THSD7B: variants seen among roughly 807,000 people sequenced by gnomAD.
THSD7B encodes the protein thrombospondin type 1 domain containing 7B.
Under a neutral mutation model 213.6 loss-of-function variants are expected in THSD7B, and 138 were observed. The ratio of observed to expected loss-of-function variants is 0.65; its 90% confidence interval spans 0.56 to 0.74. THSD7B has a LOEUF of 0.74. THSD7B is among the 30% of genes least tolerant of loss of function. The pLI is 0.00. For missense variants in THSD7B, 1,931 were observed against 1,991.5 expected (o/e 0.97, Z 0.58); for synonymous variants, 742 against 687.0 (o/e 1.08, Z -1.25).
intron 2 of THSD7B, among the ~76,000 whole-genome samples, chr2:137,023,153 G>A (rs1686477192): frequency 6.6e-6 from 1 of 152,184 alleles, no homozygotes; most frequent in Non-Finnish European, 1.5e-5. Context: ...TGAGAAGCTG[G>A]GCAGAGGGTG....
At chr2:136,991,058 A>G in intron 2 of THSD7B, 1 of 792,552 alleles carries the variant, frequency 1.3e-6, no homozygotes, top group Non-Finnish European at 1.8e-6. Context: ...TGTTAAATAA[A>G]AAGGACCTGG....
intron 3 of THSD7B, among the ~76,000 whole-genome samples, chr2:137,071,749 T>G (rs1163451483): frequency 6.6e-6 from 1 of 152,182 alleles, no homozygotes; most frequent in South Asian, 2.1e-4. Context: ...AGGTCTAACA[T>G]TTAAGTCTTT....
chr2:137,366,178 G>A (rs573526453), intron 12 of THSD7B, among the ~76,000 whole-genome samples: 9 of 152,224 alleles, frequency 5.9e-5, no homozygotes, highest in African/African-American at 2.2e-4. Context: ...ACTCATAGGT[G>A]GGAATTGAAC....
intron 3 of THSD7B, among the ~76,000 whole-genome samples, chr2:137,084,891 T>A (rs544451893): frequency 1.3e-5 from 2 of 152,314 alleles, no homozygotes; most frequent in East Asian, 3.9e-4. Flanking sequence ...ATTGGAAGCC[T>A]TAGGAATTAT....
In THSD7B at chr2:137,331,931, G is replaced by A. The variant is rs372693779; in HGVS notation, c.2500+55905G>A. The stretch of plus-strand genomic sequence containing the variant: ...GGGCCCGCCAAGCCCACGCCCACCC[G>A]GAATTCCAGCTGGCCCACAAGCGCC... On this transcript the variant is annotated intron_variant, in intron 12 of 27. Coordinates refer to ENST00000409968, the MANE Select transcript of THSD7B (RefSeq NM_001316349.2). Among the ~76,000 whole-genome samples, 73 of 152,210 alleles carry A rather than the reference G, an allele frequency of 4.8e-4. 4 individuals carry two copies. In the South Asian group the frequency reaches 0.015, roughly 31 times the overall value.
intron 2 of THSD7B, among the ~76,000 whole-genome samples, chr2:137,024,253 G>A (rs1319460203): frequency 6.6e-6 from 1 of 152,138 alleles, no homozygotes; most frequent in Non-Finnish European, 1.5e-5. Flanking sequence ...CTGATTGGTG[G>A]TGGATTTGGG....
At chr2:137,272,471 T>G in intron 10 of THSD7B, 62 bp from the exon 11 acceptor site, 1 of 1,494,664 alleles carries the variant, frequency 6.7e-7, no homozygotes, top group South Asian at 1.3e-5. Flanking sequence ...AATTGCTACC[T>G]GGATTTTGAT....
intron 5 of THSD7B, among the ~76,000 whole-genome samples, chr2:137,138,821 A>T (rs1003940480): frequency 6.6e-6 from 1 of 152,116 alleles, no homozygotes; most frequent in Non-Finnish European, 1.5e-5. Flanking sequence ...TTCCTTTTCA[A>T]TATCAAATTT....
intron 12 of THSD7B, among the ~76,000 whole-genome samples, chr2:137,383,949 T>TA (rs1685834372): frequency 6.6e-6 from 1 of 152,216 alleles, no homozygotes. Flanking sequence ...TGCGGATTGT[T>TA]ACAGCAGCAA....
At chr2:137,563,446 C>A in intron 16 of THSD7B, 92 bp downstream of exon 16, 1 of 1,475,420 alleles carries the variant, frequency 6.8e-7, no homozygotes, top group Non-Finnish European at 9.2e-7. Context: ...CAAGTACACT[C>A]TGATTTTCAT....
intron 14 of THSD7B, among the ~76,000 whole-genome samples, chr2:137,428,295 T>C (rs1168739884): frequency 6.6e-6 from 1 of 152,092 alleles, no homozygotes; most frequent in Non-Finnish European, 1.5e-5. Context: ...ATCAAAAAGA[T>C]GAAAACAGGT....
chr2:137,668,241 C>T (rs1049307400), intron 27 of THSD7B, among the ~76,000 whole-genome samples: 3 of 152,088 alleles, frequency 2.0e-5, no homozygotes, highest in Admixed American at 1.3e-4. Context: ...TGTTGTAAAG[C>T]TTCTCAGGTA....
At chr2:137,013,143 T>C (rs572200558) in intron 2 of THSD7B, among the ~76,000 whole-genome samples, 14 of 152,350 alleles carry the variant, frequency 9.2e-5, no homozygotes, top group African/African-American at 2.9e-4. Flanking sequence ...AAACACATGC[T>C]TTAAAGTTTA....
chr2:137,627,848 C>A (rs1174256536), intron 20 of THSD7B, among the ~76,000 whole-genome samples: 3 of 152,270 alleles, frequency 2.0e-5, no homozygotes, highest in East Asian at 3.9e-4. Context: ...AATGGCAGGT[C>A]TTAGGACCAA....
intron 15 of THSD7B, among the ~76,000 whole-genome samples, chr2:137,506,146 T>C (rs979372537): frequency 1.3e-5 from 2 of 152,116 alleles, no homozygotes; most frequent in African/African-American, 2.4e-5. Context: ...AGGCCTATCA[T>C]TAGGTTGTTC....
chr2:137,142,249 G>A (rs942123833), intron 5 of THSD7B, among the ~76,000 whole-genome samples: 9 of 152,126 alleles, frequency 5.9e-5, no homozygotes, highest in African/African-American at 2.2e-4. Flanking sequence ...TAACATGGCA[G>A]AAAGTATCAC....
At chr2:137,293,308 T>TG (rs543540623) in intron 12 of THSD7B, among the ~76,000 whole-genome samples, 158 of 152,052 alleles carry the variant, frequency 1.0e-3, no homozygotes, top group African/African-American at 3.6e-3. Flanking sequence ...CCAATTAACT[T>TG]TTGTATTTTG....
intron 12 of THSD7B, among the ~76,000 whole-genome samples, chr2:137,381,847 G>A (rs1037749037): frequency 3.3e-5 from 5 of 152,208 alleles, no homozygotes; most frequent in Non-Finnish European, 5.9e-5. Context: ...CAAAGACTAC[G>A]TGCTGCAGCC....
intron 15 of THSD7B, among the ~76,000 whole-genome samples, chr2:137,500,949 T>A (rs1025938866): frequency 9.9e-5 from 15 of 152,236 alleles, no homozygotes; most frequent in African/African-American, 2.9e-4. Context: ...GGTTTTTTTT[T>A]ATATTAGAAA....
Sources: allele counts gnomAD v4.1 joint callset (sites outside exome capture counted in the v4.1 genomes callset), GRCh38; gene constraint gnomAD v4.1.1; transcripts MANE v1.5; gene names NCBI Gene and HGNC (gene_info 2026-07-23, HGNC 2026-07-21).